The following EIF4B variants were observed in gnomAD, a reference collection of about 807,000 sequenced individuals.
EIF4B encodes the protein eukaryotic translation initiation factor 4B.
A neutral mutation model predicts 79.3 loss-of-function variants in EIF4B; 8 were observed. The ratio of observed to expected loss-of-function variants is 0.10; its 90% CI spans 0.06 to 0.18. The LOEUF is 0.18. Among genes scored for constraint, EIF4B ranks in the 10% least tolerant of loss-of-function variants. EIF4B has a pLI of 1.00. For missense variants in EIF4B, 515 were observed against 792.4 expected (o/e 0.65, Z 4.20); for synonymous variants, 238 against 274.7 (o/e 0.87, Z 1.32).
intron 6 of EIF4B, among the ~76,000 whole-genome samples, chr12:53,027,136 AATTTTT>A (rs1246396761): frequency 6.8e-5 from 2 of 29,442 alleles, no homozygotes; most frequent in Non-Finnish European, 1.2e-4. Flanking sequence ...AAAAAAAAAA[AATTTTT>A]TTTTTTTTTT....
At position 53,022,115 on chromosome 12, in the gene EIF4B, C is replaced by G. The variant is rs191183015; in HGVS notation, c.532+255C>G. 2.0e-5 allele frequency: 13 copies of G among 639,122 alleles called. 1 individual carries two copies. The highest frequency in any genetic ancestry group is 2.0e-4 in the Admixed American group (8 of 39,342). The allele number at this position is 639,122 out of a possible 1,614,324, so 39.6% of individuals were successfully genotyped here. A position where few individuals can be genotyped will look rare whatever the true frequency, so the allele number is the denominator to read the frequency against. On this transcript the variant is annotated intron_variant, in intron 5 of 14. Coordinates refer to ENST00000262056, the MANE Select transcript of EIF4B (RefSeq NM_001417.7). ...TAGGGAATAGGACAGTCCCCATCAACAAAGAATTATGCAGCCCAAAATGCA... is the reference window on the plus strand; with the variant it reads ...TAGGGAATAGGACAGTCCCCATCAAGAAAGAATTATGCAGCCCAAAATGCA...
intron 2 of EIF4B, among the ~76,000 whole-genome samples, chr12:53,018,417 A>G (rs1163712172): frequency 1.3e-5 from 2 of 152,188 alleles, no homozygotes; most frequent in Non-Finnish European, 2.9e-5. Flanking sequence ...TTTGAATCCT[A>G]GCTTTACCGT....
At position 53,017,697 on chromosome 12, in the gene EIF4B, G is replaced by A. The variant is rs142018669; in HGVS notation, c.151+1087G>A. Reference sequence around the variant, plus strand: ...CAACATCTGCTCCCGGGGTTCAAGCGATTCTCCTGCCTCAGCCGCCTGAGT... The same window carrying A: ...CAACATCTGCTCCCGGGGTTCAAGCAATTCTCCTGCCTCAGCCGCCTGAGT... On this transcript the variant is annotated intron_variant, in intron 2 of 14. Transcript: ENST00000262056. Among the ~76,000 whole-genome samples the A allele has an allele frequency of 7.0e-3, 1,064 of 152,226 alleles. 11 individuals are homozygous for A. Among genetic ancestry groups the A allele is most frequent in the African/African-American group, 0.024 (986 of 41,538 alleles).
rs1162706655 is a variant in EIF4B, at chr12:53,041,232, G to A, written c.*1009G>A. On this transcript the variant is annotated 3_prime_UTR_variant, in exon 15 of 15. Coordinates refer to ENST00000262056, the MANE Select transcript of EIF4B (RefSeq NM_001417.7). ...TTCTCAGCCATGGAGAACTCTGAAA[G>A]GAAGAATCGCTGCTTTTCTCAAGCA... is the stretch of plus-strand genomic sequence containing the variant. The A allele has an allele frequency of 6.6e-6, 1 of 152,192 alleles. No homozygotes were observed. Among genetic ancestry groups the A allele is most frequent in the Non-Finnish European group, 1.5e-5 (1 of 68,038 alleles). 9.4% of individuals were successfully genotyped at this position (152,192 alleles called of 1,614,324 possible).
intron 3 of EIF4B, 26 bp downstream of exon 3, chr12:53,019,032 A>C: frequency 6.2e-7 from 1 of 1,607,696 alleles, no homozygotes; most frequent in Non-Finnish European, 8.5e-7. Context: ...GTAATAATTA[A>C]CTAGATATTG....
At position 53,041,121 on chromosome 12, in the gene EIF4B, CTCTTATCATCA is replaced by C. The variant is rs1268597250; in HGVS notation, c.*904_*914del. On this transcript the variant is annotated 3_prime_UTR_variant, in exon 15 of 15. Transcript: ENST00000262056. ...GAAACCTTGAAACTAAAAATTTAGA[CTCTTATCATCA>C]TCTTAAGTTCTTCATGCTACTCTTA... The C allele has an allele frequency of 6.6e-6, 1 of 152,162 alleles. No individual in the cohort carries two copies. Among genetic ancestry groups the C allele is most frequent in the East Asian group, 1.9e-4 (1 of 5,200 alleles). The allele number at this position is 152,162 out of a possible 1,614,324, so 9.4% of individuals were successfully genotyped here. A position where few individuals can be genotyped will look rare whatever the true frequency, so the allele number is the denominator to read the frequency against.
rs769542803 is a variant in EIF4B, at chr12:53,006,515, G to A, written c.13+19G>A. 46 of 1,613,578 alleles carry A rather than the reference G, an allele frequency of 2.9e-5. No homozygotes were observed. Among genetic ancestry groups the A allele is most frequent in the Non-Finnish European group, 3.7e-5 (44 of 1,180,030 alleles). On this transcript the variant is annotated intron_variant, in intron 1 of 14. Transcript: ENST00000262056. ...GCCTCAGGTGAGCGAGCAGCCGAGC[G>A]CGGCCAAGGACTGGGCTCTGAAACC...
chr12:53,016,418 A>T lies in EIF4B; in HGVS notation c.14-55A>T, dbSNP rs1433355501. 4 of 1,607,696 alleles carry T rather than the reference A, an allele frequency of 2.5e-6. No individual in the cohort carries two copies. The South Asian group carries it at 4.4e-5, about 18-fold the overall frequency. On this transcript the variant is annotated intron_variant, in intron 1 of 14. Coordinates refer to ENST00000262056, the MANE Select transcript of EIF4B (RefSeq NM_001417.7). ...ATGTTTTACAATATTGCATTGTACAACTCTGTAAATACCTGAGTATTGGTG... is the reference window on the plus strand; with the variant it reads ...ATGTTTTACAATATTGCATTGTACATCTCTGTAAATACCTGAGTATTGGTG...
At chr12:53,010,439 C>T (rs1409127728) in intron 1 of EIF4B, among the ~76,000 whole-genome samples, 1 of 152,124 alleles carries the variant, frequency 6.6e-6, no homozygotes, top group Non-Finnish European at 1.5e-5. Flanking sequence ...ACAGTCTCAT[C>T]ATAAGTCAGG....
At chr12:53,028,342 C>T (rs1943376291) in intron 8 of EIF4B, among the ~76,000 whole-genome samples, 154 bp downstream of exon 8, 1 of 152,130 alleles carries the variant, frequency 6.6e-6, no homozygotes, top group Non-Finnish European at 1.5e-5. Context: ...ATTGGCTGGC[C>T]AGGTGTGGGC....
At chr12:53,019,859 CAAAT>C (rs1416287189) in intron 3 of EIF4B, 47 bp from the exon 4 acceptor site, 1 of 1,564,300 alleles carries the variant, frequency 6.4e-7, no homozygotes, top group African/African-American at 1.4e-5. Flanking sequence ...CAAAAAATGA[CAAAT>C]GAAGAAGAAT....
At chr12:53,037,807 A>T in intron 11 of EIF4B, 185 bp downstream of exon 11, 1 of 651,806 alleles carries the variant, frequency 1.5e-6, no homozygotes, top group Non-Finnish European at 2.7e-6. Flanking sequence ...GAGTTCCACC[A>T]CTTTGATAGC....
Position 53,020,314 on chromosome 12 carries a change from C to T in EIF4B, c.477+288C>T, listed in dbSNP as rs576759116. ...ATTAAGTCTTACACTGATTTACCCA[C>T]AGTGTTGCCTCAACTCTTATGGCAT... On this transcript the variant is annotated intron_variant, in intron 4 of 14. Transcript: ENST00000262056. 5.9e-5 allele frequency among the ~76,000 whole-genome samples: 9 copies of T among 152,348 alleles called. No individual in the cohort carries two copies. In the South Asian group the frequency reaches 1.9e-3, roughly 32 times the overall value.
At chr12:53,010,055 A>G (rs577785302) in intron 1 of EIF4B, among the ~76,000 whole-genome samples, 2 of 152,334 alleles carry the variant, frequency 1.3e-5, no homozygotes, top group Non-Finnish European at 2.9e-5. Flanking sequence ...GGAAAGTACC[A>G]AATCAAGAAG....
intron 1 of EIF4B, among the ~76,000 whole-genome samples, chr12:53,009,744 G>C (rs1943031916): frequency 6.6e-6 from 1 of 152,096 alleles, no homozygotes; most frequent in Non-Finnish European, 1.5e-5. Context: ...CCTCTATCAT[G>C]TATATGTTAT....
Position 53,016,244 on chromosome 12 carries a change from C to T in EIF4B, c.14-229C>T, listed in dbSNP as rs368124756. ...CTCTCCAGGGTGTATCTCAAACACT[C>T]AGACCCTTTTCCGTACGTAAACATG... On this transcript the variant is annotated intron_variant, in intron 1 of 14. Transcript: ENST00000262056. 6.6e-5 allele frequency among the ~76,000 whole-genome samples: 10 copies of T among 150,550 alleles called. No homozygotes were observed. In the South Asian group the frequency reaches 1.5e-3, roughly 22 times the overall value.
chr12:53,031,095 T>G (rs1565591000), intron 8 of EIF4B, among the ~76,000 whole-genome samples: 1 of 152,192 alleles, frequency 6.6e-6, no homozygotes, highest in Non-Finnish European at 1.5e-5. Context: ...GGCCATTGCC[T>G]CCTAACAGAG....
intron 1 of EIF4B, among the ~76,000 whole-genome samples, chr12:53,008,947 A>T (rs979437338): frequency 2.6e-5 from 4 of 152,156 alleles, no homozygotes; most frequent in Non-Finnish European, 5.9e-5. Flanking sequence ...AGGCAGGAGA[A>T]TCGCTTCAAT....
chr12:53,017,252 CAAA>C (rs57053490), intron 2 of EIF4B, among the ~76,000 whole-genome samples: 167 of 143,074 alleles, frequency 1.2e-3, no homozygotes, highest in Middle Eastern at 3.5e-3. Context: ...GACTCCATCT[CAAA>C]AAAAAAAAAA....
Sources: gnomAD v4.1 joint callset for allele counts (sites outside exome capture counted in the v4.1 genomes callset) on GRCh38, gnomAD v4.1.1 for gene constraint, MANE v1.5 for transcripts, NCBI Gene and HGNC (gene_info 2026-07-23, HGNC 2026-07-21) for gene names.